DNER: variants seen among roughly 807,000 people sequenced by gnomAD.
DNER encodes delta/notch like EGF repeat containing.
In DNER, 33 loss-of-function variants were observed where a neutral mutation model predicts 78.2. The ratio of observed to expected loss-of-function variants is 0.42; its 90% CI spans 0.32 to 0.56. The LOEUF is 0.56. Ranked by LOEUF, DNER falls within the 20% of genes least tolerant of loss-of-function variation. DNER has a pLI of 0.11. For synonymous variants in DNER, 417 were observed against 384.8 expected (o/e 1.08, Z -0.98); for missense variants, 918 against 975.3 (o/e 0.94, Z 0.78).
In DNER at chr2:229,418,186, A is replaced by G; in HGVS notation, c.1531T>C (p.Ser511Pro). 1 of 1,614,146 alleles carries G rather than the reference A, an allele frequency of 6.2e-7. No individual in the cohort carries two copies. The highest frequency in any genetic ancestry group is 8.5e-7 in the Non-Finnish European group (1 of 1,180,000). Residue 511 changes from serine to proline, a missense_variant, in exon 9 of 13, where the codon TCC (serine) becomes CCC (proline). Transcript: ENST00000341772. Reference sequence around the variant, plus strand: ...GTGGCTGCATTCAGGCATGGAGCGGAGAGGCACTCATTATATTCCTCCTCA... The same window carrying G: ...GTGGCTGCATTCAGGCATGGAGCGGGGAGGCACTCATTATATTCCTCCTCA... ...YCEEEYNECL[S>P]APCLNAATCR...
intron 6 of DNER, among the ~76,000 whole-genome samples, chr2:229,483,526 A>T (rs1168514255): frequency 6.6e-6 from 1 of 152,186 alleles, no homozygotes; most frequent in African/African-American, 2.4e-5. Flanking sequence ...TGATTGATGA[A>T]TTTAAGTTGA....
At chr2:229,413,133 C>T (rs1275249972) in intron 9 of DNER, among the ~76,000 whole-genome samples, 4 of 152,004 alleles carry the variant, frequency 2.6e-5, no homozygotes, top group Non-Finnish European at 5.9e-5. Flanking sequence ...TCATTCCTAG[C>T]AATTCCTCTC....
chr2:229,559,919 C>A (rs1696924014), intron 4 of DNER, among the ~76,000 whole-genome samples: 1 of 152,216 alleles, frequency 6.6e-6, no homozygotes. Context: ...CAACTCCAAG[C>A]TGTGCTCATT....
At chr2:229,372,722 G>A (rs1171081275) in intron 11 of DNER, among the ~76,000 whole-genome samples, 1 of 152,208 alleles carries the variant, frequency 6.6e-6, no homozygotes, top group Non-Finnish European at 1.5e-5. Context: ...GAGGAGCAAG[G>A]ACAGAGGCTG....
chr2:229,558,277 T>TTATTAGTATATATC (rs1261266244), intron 4 of DNER, among the ~76,000 whole-genome samples: 3 of 151,874 alleles, frequency 2.0e-5, no homozygotes, highest in East Asian at 3.9e-4. Flanking sequence ...AACTAATGAG[T>TTATTAGTATATATC]ACAAGGCTTC....
intron 8 of DNER, among the ~76,000 whole-genome samples, chr2:229,440,927 C>A (rs1694220532): frequency 1.3e-5 from 2 of 152,198 alleles, no homozygotes; most frequent in African/African-American, 4.8e-5. Flanking sequence ...AGATCTCTAT[C>A]TTTTCATCTC....
At chr2:229,695,923 T>C (rs1186707965) in intron 1 of DNER, among the ~76,000 whole-genome samples, 8 of 152,144 alleles carry the variant, frequency 5.3e-5, no homozygotes, top group Admixed American at 2.0e-4. Flanking sequence ...CTGATGGAGA[T>C]TTGTTTCTTT....
intron 11 of DNER, among the ~76,000 whole-genome samples, chr2:229,374,256 A>C (rs1014762756): frequency 5.3e-5 from 8 of 151,924 alleles, no homozygotes; most frequent in African/African-American, 1.5e-4. Flanking sequence ...AAGGAAAGGA[A>C]GGGGGGAAAT....
intron 5 of DNER, among the ~76,000 whole-genome samples, chr2:229,521,642 A>C (rs974878638): frequency 6.6e-6 from 1 of 152,238 alleles, no homozygotes; most frequent in African/African-American, 2.4e-5. Context: ...TTAACCTCCT[A>C]CTAAACCCAG....
intron 7 of DNER, among the ~76,000 whole-genome samples, chr2:229,457,142 G>T (rs375512649): frequency 6.6e-6 from 1 of 152,016 alleles, no homozygotes; most frequent in Non-Finnish European, 1.5e-5. Context: ...GTTGCCAGCA[G>T]ATCTAGCCAC....
At chr2:229,608,021 CAAAAAAAAAAAA>C (rs57795249) in intron 1 of DNER, among the ~76,000 whole-genome samples, 72 of 86,266 alleles carry the variant, frequency 8.3e-4, no homozygotes, top group African/African-American at 3.3e-3. Flanking sequence ...AACTCTGTCT[CAAAAAAAAAAAA>C]AAAAAAAAAG....
intron 8 of DNER, among the ~76,000 whole-genome samples, chr2:229,422,412 A>G (rs1284466674): frequency 6.6e-6 from 1 of 152,218 alleles, no homozygotes; most frequent in East Asian, 1.9e-4. Context: ...CACTGCTCCC[A>G]TCTTTGCATG....
At chr2:229,482,873 C>A (rs1178246833) in intron 6 of DNER, among the ~76,000 whole-genome samples, 2 of 152,058 alleles carry the variant, frequency 1.3e-5, no homozygotes, top group Non-Finnish European at 2.9e-5. Flanking sequence ...GGTATCAAAG[C>A]TTTAAAGTTA....
intron 1 of DNER, among the ~76,000 whole-genome samples, chr2:229,628,447 A>G (rs1431086897): frequency 6.6e-6 from 1 of 152,244 alleles, no homozygotes; most frequent in Admixed American, 6.5e-5. Context: ...AATAGACACC[A>G]AAAACACGGG....
At chr2:229,439,979 G>C (rs989804749) in intron 8 of DNER, among the ~76,000 whole-genome samples, 2 of 152,160 alleles carry the variant, frequency 1.3e-5, no homozygotes, top group Admixed American at 1.3e-4. Flanking sequence ...TGAATTTTGA[G>C]GGAAAGTCAG....
At chr2:229,708,232 G>A (rs1430213081) in intron 1 of DNER, among the ~76,000 whole-genome samples, 2 of 152,232 alleles carry the variant, frequency 1.3e-5, no homozygotes, top group African/African-American at 4.8e-5. Flanking sequence ...GGCTATGAAG[G>A]AAGATGATAA....
intron 1 of DNER, among the ~76,000 whole-genome samples, chr2:229,687,327 G>A (rs1193741928): frequency 6.9e-5 from 10 of 145,566 alleles, no homozygotes; most frequent in East Asian, 2.0e-4. Flanking sequence ...GTAGTGGCAC[G>A]ATCTCGGTTC....
chr2:229,423,963 G>A (rs1171864152), intron 8 of DNER, among the ~76,000 whole-genome samples: 1 of 152,182 alleles, frequency 6.6e-6, no homozygotes, highest in African/African-American at 2.4e-5. Context: ...CTCCACTACA[G>A]GATAAGCTTG....
chr2:229,429,968 T>G (rs1693970119), intron 8 of DNER, among the ~76,000 whole-genome samples: 1 of 152,210 alleles, frequency 6.6e-6, no homozygotes, highest in South Asian at 2.1e-4. Flanking sequence ...CAGGCTGTTC[T>G]CCTCTCATTT....
Sources: allele counts gnomAD v4.1 joint callset (sites outside exome capture counted in the v4.1 genomes callset), GRCh38; gene constraint gnomAD v4.1.1; transcripts MANE v1.5; gene names NCBI Gene and HGNC (gene_info 2026-07-23, HGNC 2026-07-21).